The following PDCD6 variants were observed in gnomAD, a reference collection of about 807,000 sequenced individuals.
The protein encoded by PDCD6 is programmed cell death protein 6.
A neutral mutation model predicts 28.3 loss-of-function variants in PDCD6; 12 were observed. That is an observed-to-expected ratio of 0.42 (90% confidence interval 0.27 to 0.69). PDCD6 has a LOEUF of 0.69. Ranked by LOEUF, PDCD6 falls within the 30% of genes least tolerant of loss-of-function variation. The pLI is 0.22. For synonymous variants in PDCD6, 92 were observed against 108.0 expected, an observed-to-expected ratio of 0.85 and a Z score of 0.92; for missense variants, 226 against 269.9, an observed-to-expected ratio of 0.84 and a Z score of 1.14.
chr5:274,881 G>GC (rs1738088371), intron 2 of PDCD6, among the ~76,000 whole-genome samples: 1 of 152,198 alleles, frequency 6.6e-6, no homozygotes, highest in Non-Finnish European at 1.5e-5. Flanking sequence ...GATTTCAGCT[G>GC]CTACTAAATA....
chr5:314,308 G>C, intron 5 of PDCD6, 109 bp from the exon 6 acceptor site: 1 of 727,350 alleles, frequency 1.4e-6, no homozygotes, highest in Non-Finnish European at 2.4e-6. Flanking sequence ...CCATCAGGGA[G>C]CCCAGAAGAC....
rs546918117 is a variant in PDCD6, at chr5:305,323, C to G, written c.208+1102C>G. ...CTCCCATCCATGCACGTGTTTTAGT[C>G]TTGTGAGGATTCCCTGAGTTCCTTG... On this transcript the variant is annotated intron_variant, in intron 3 of 5. Coordinates refer to ENST00000264933, the MANE Select transcript of PDCD6 (RefSeq NM_013232.4). The surrounding 1 kb of genome is among the most constrained non-coding windows in gnomAD (Gnocchi z 4.0). 1 of 152,360 alleles carries G rather than the reference C, an allele frequency of 6.6e-6. No homozygotes were observed. Among genetic ancestry groups the G allele is most frequent in the African/African-American group, 2.4e-5 (1 of 41,546 alleles). 9.4% of individuals were successfully genotyped at this position (152,360 alleles called of 1,614,324 possible).
intron 4 of PDCD6, 30 bp from the exon 5 acceptor site, chr5:311,263 C>T: frequency 6.4e-7 from 1 of 1,562,032 alleles, no homozygotes; most frequent in Non-Finnish European, 8.8e-7. Context: ...CTCTCCCAGC[C>T]TTCTCTGACT....
At chr5:309,564 T>C in intron 4 of PDCD6, 1 of 230,134 alleles carries the variant, frequency 4.3e-6, no homozygotes, top group Non-Finnish European at 8.6e-6. Flanking sequence ...AGTAATGACC[T>C]CTGTCCCCGT....
intron 2 of PDCD6, chr5:289,135 C>A: frequency 8.9e-7 from 1 of 1,128,574 alleles, no homozygotes; most frequent in Non-Finnish European, 1.3e-6. Context: ...GGGATCATTT[C>A]TCTTGATGTC....
chr5:295,261 G>C (rs1265806849), intron 2 of PDCD6, among the ~76,000 whole-genome samples: 2 of 152,184 alleles, frequency 1.3e-5, no homozygotes, highest in African/African-American at 4.8e-5. Context: ...ACTTTGAGTT[G>C]ACATCATCTA....
At chr5:302,086 GT>G (rs1740100980) in intron 2 of PDCD6, among the ~76,000 whole-genome samples, 1 of 127,588 alleles carries the variant, frequency 7.8e-6, no homozygotes, top group African/African-American at 3.1e-5. Flanking sequence ...GTGTGTGTGT[GT>G]GTGTGTGTGT....
rs757962866 is a variant in PDCD6, at chr5:304,213, C to T, written c.200C>T (p.Ser67Leu). The change falls in exon 3 of 6, where the codon TCG (serine) becomes TTG (leucine). Residue 67 changes from serine (S) to leucine (L), a missense_variant. Ser to Leu is a moderately radical substitution (Grantham distance 145). Around this residue, in one of 3 missense-constraint regions of PDCD6, gnomAD observed 3 missense variants for 21.3 expected, o/e 0.14. Coordinates refer to ENST00000264933, the MANE Select transcript of PDCD6 (RefSeq NM_013232.4). ...CCCTTTAATCCAGTGACTGTCAGGTCGATCATATGTAAGTATCGGCAGACG... is the reference window on the plus strand; with the variant it reads ...CCCTTTAATCCAGTGACTGTCAGGTTGATCATATGTAAGTATCGGCAGACG... ...WTPFNPVTVR[S>L]IISMFDRENK... The T allele has an allele frequency of 2.0e-5, 31 of 1,566,384 alleles. No homozygotes were observed. Among genetic ancestry groups the T allele is most frequent in the East Asian group, 1.3e-4 (6 of 44,660 alleles).
At chr5:298,416 GTTC>G (rs761978268) in intron 2 of PDCD6, among the ~76,000 whole-genome samples, 8 of 152,128 alleles carry the variant, frequency 5.3e-5, no homozygotes, top group Admixed American at 3.3e-4. Context: ...GACATGATGG[GTTC>G]TTCTTCCTGC....
At chr5:309,478 T>C in intron 4 of PDCD6, 1 of 176,908 alleles carries the variant, frequency 5.7e-6, no homozygotes, top group Non-Finnish European at 1.2e-5. Context: ...GGGTTGCTCC[T>C]GTTGTCTGTG....
At position 290,216 on chromosome 5, in the gene PDCD6, C is replaced by G. The variant is rs540404466; in HGVS notation, c.164-13961C>G. On this transcript the variant is annotated intron_variant, in intron 2 of 5. Coordinates refer to ENST00000264933, the MANE Select transcript of PDCD6 (RefSeq NM_013232.4). ...AATTGGGACCACTGAATCTGTTTCT[C>G]CAGTCTTGGCTATATGACAAAGAAA... 63 of 1,557,328 alleles carry G rather than the reference C, an allele frequency of 4.0e-5. 3 individuals carry two copies. In the South Asian group the frequency reaches 6.9e-4, roughly 17 times the overall value.
At chr5:275,359 C>T (rs567669656) in intron 2 of PDCD6, among the ~76,000 whole-genome samples, 2 of 152,370 alleles carry the variant, frequency 1.3e-5, no homozygotes, top group Non-Finnish European at 2.9e-5. Flanking sequence ...CGGGCTCACA[C>T]ACCTGCTGCG....
At chr5:272,653 T>C in intron 1 of PDCD6, 58 bp from the exon 2 acceptor site, 2 of 1,540,628 alleles carry the variant, frequency 1.3e-6, no homozygotes, top group Non-Finnish European at 8.8e-7. Context: ...AGAAGACGTT[T>C]GTTTTGCTTT....
chr5:288,878 A>C (rs1254205497), intron 2 of PDCD6: 2 of 1,546,770 alleles, frequency 1.3e-6, no homozygotes, highest in Admixed American at 2.0e-5. Flanking sequence ...CTTCGTCATC[A>C]TTTTCCATGG....
rs1740582303 is a variant in PDCD6, at chr5:307,313, G to C, written c.367+553G>C. Among the ~76,000 whole-genome samples, 1 of 78,676 alleles carries C rather than the reference G, an allele frequency of 1.3e-5. No homozygotes were observed. Among genetic ancestry groups the C allele is most frequent in the Non-Finnish European group, 2.9e-5 (1 of 34,652 alleles). The allele number at this position is 78,676 out of a possible 152,430, so 51.6% of individuals were successfully genotyped here. ...TCAGAAGGGGCGTTAGGCAGAACGC[G>C]TGCCCATTCTCAGGTGTGCTCGGCG... On this transcript the variant is annotated intron_variant, in intron 4 of 5. Coordinates refer to ENST00000264933, the MANE Select transcript of PDCD6 (RefSeq NM_013232.4). This position sits in a 1 kb window ranked among gnomAD's most constrained non-coding sequence, Gnocchi z 6.1.
chr5:279,664 T>C (rs1738437458), intron 2 of PDCD6, among the ~76,000 whole-genome samples: 1 of 151,672 alleles, frequency 6.6e-6, no homozygotes, highest in Admixed American at 6.6e-5. Flanking sequence ...GGTGGAGTTA[T>C]TTGAGTAGAT....
chr5:312,877 AGGG>A (rs1425032993), intron 5 of PDCD6, among the ~76,000 whole-genome samples: 3 of 109,524 alleles, frequency 2.7e-5, no homozygotes, highest in African/African-American at 2.7e-4. Flanking sequence ...GAATTGCCGT[AGGG>A]CTCAGATCTT....
chr5:277,343 C>T (rs974655269), intron 2 of PDCD6, among the ~76,000 whole-genome samples: 33 of 137,814 alleles, frequency 2.4e-4, no homozygotes, highest in African/African-American at 8.9e-4. Flanking sequence ...TCTCTGTCGC[C>T]TAGGCTGGAG....
Position 271,711 on chromosome 5 carries a change from G to T in PDCD6, c.-10G>T. Reference sequence around the variant, plus strand: ...TGCAGGCGCCTCAGCCCAGCCGCGTGCCTTGGCCCATGGCCGCCTACTCTT... The same window carrying T: ...TGCAGGCGCCTCAGCCCAGCCGCGTTCCTTGGCCCATGGCCGCCTACTCTT... On this transcript the variant is annotated 5_prime_UTR_variant, in exon 1 of 6. Coordinates refer to ENST00000264933, the MANE Select transcript of PDCD6 (RefSeq NM_013232.4). The T allele has an allele frequency of 6.6e-7, 1 of 1,515,574 alleles. No individual in the cohort carries two copies. The highest frequency in any genetic ancestry group is 8.9e-7 in the Non-Finnish European group (1 of 1,125,686). 93.9% of individuals were successfully genotyped at this position (1,515,574 alleles called of 1,614,324 possible). A position where few individuals can be genotyped will look rare whatever the true frequency, so the allele number is the denominator to read the frequency against.
Sources: gnomAD v4.1 joint callset for allele counts (sites outside exome capture counted in the v4.1 genomes callset) on GRCh38, gnomAD v4.1.1 for gene constraint, gnomAD v4.1.1 regional missense constraint, Gnocchi (gnomAD v3.1) non-coding constraint, MANE v1.5 for transcripts, NCBI Gene and HGNC (gene_info 2026-07-23, HGNC 2026-07-21) for gene names.